TIAM1: variants seen among roughly 807,000 people sequenced by gnomAD.
The protein encoded by TIAM1 is rho guanine nucleotide exchange factor TIAM1.
A neutral mutation model predicts 163.5 loss-of-function variants in TIAM1; 65 were observed. That is an observed-to-expected ratio of 0.40 (90% CI 0.33 to 0.49). The LOEUF is 0.49. Ranked by LOEUF, TIAM1 falls within the 20% of genes least tolerant of loss-of-function variation. TIAM1 has a pLI of 0.77. For synonymous variants in TIAM1, 833 were observed against 810.1 expected, an observed-to-expected ratio of 1.03 and a Z score of -0.48; for missense variants, 1,789 against 2,044.7, an observed-to-expected ratio of 0.87 and a Z score of 2.41.
chr21:31,471,829 A>G (rs1213210687), intron 1 of TIAM1, among the ~76,000 whole-genome samples: 1 of 151,878 alleles, frequency 6.6e-6, no homozygotes, highest in Admixed American at 6.6e-5. Context: ...AGATTGCGCC[A>G]TTGCATTCCA....
intron 1 of TIAM1, among the ~76,000 whole-genome samples, chr21:31,546,595 ATGCCTG>A (rs1179043623): frequency 2.0e-5 from 3 of 151,818 alleles, no homozygotes; most frequent in South Asian, 4.2e-4. Flanking sequence ...AAACCAGAGC[ATGCCTG>A]AGAAAAATGG....
intron 14 of TIAM1, among the ~76,000 whole-genome samples, chr21:31,186,589 C>G (rs1237298138): frequency 1.3e-5 from 2 of 151,920 alleles, no homozygotes; most frequent in Non-Finnish European, 1.5e-5. Flanking sequence ...CGGGGCAACA[C>G]AGCAAGACCC....
chr21:31,124,825 T>C, intron 26 of TIAM1, 131 bp from the exon 27 acceptor site: 1 of 699,426 alleles, frequency 1.4e-6, no homozygotes. Flanking sequence ...TGACTCCAAT[T>C]TCTATGCTGA....
intron 15 of TIAM1, among the ~76,000 whole-genome samples, chr21:31,169,457 C>T (rs552727626): frequency 6.6e-6 from 1 of 152,258 alleles, no homozygotes; most frequent in South Asian, 2.1e-4. Context: ...ACTGGAACAT[C>T]TATCCGAAGA....
intron 2 of TIAM1, among the ~76,000 whole-genome samples, chr21:31,331,717 C>T (rs1239618701): frequency 1.3e-5 from 2 of 152,324 alleles, no homozygotes; most frequent in African/African-American, 2.4e-5. Context: ...TGGGCACTCA[C>T]ACCCACTGCC....
intron 1 of TIAM1, among the ~76,000 whole-genome samples, chr21:31,525,807 G>T (rs973058827): frequency 4.6e-5 from 7 of 152,132 alleles, no homozygotes; most frequent in African/African-American, 1.7e-4. Flanking sequence ...GCTGAGATGG[G>T]TGGATCATTT....
chr21:31,119,061 AGT>A lies in TIAM1; in HGVS notation c.*1305_*1306del, dbSNP rs1379534230. ...ATAGTATTTTAAACCCTTCTTAGGA[AGT>A]GGACATTGTGACATGGGAAAAGAAA... On this transcript the variant is annotated 3_prime_UTR_variant, in exon 28 of 28. Coordinates refer to ENST00000541036, the MANE Select transcript of TIAM1 (RefSeq NM_001353694.2). 6.5e-6 allele frequency: 1 copy of A among 153,030 alleles called. No homozygotes were observed. The highest frequency in any genetic ancestry group is 1.5e-5 in the Non-Finnish European group (1 of 68,504). The allele number at this position is 153,030 out of a possible 1,614,324, so 9.5% of individuals were successfully genotyped here. A position where few individuals can be genotyped will look rare whatever the true frequency, so the allele number is the denominator to read the frequency against.
intron 2 of TIAM1, among the ~76,000 whole-genome samples, chr21:31,447,324 C>G (rs1438702090): frequency 1.3e-5 from 2 of 152,080 alleles, no homozygotes; most frequent in Non-Finnish European, 2.9e-5. Flanking sequence ...GTAGTCCCAG[C>G]TCTCAGGAGG....
At chr21:31,133,195 CTCTT>C (rs1296167525) in intron 23 of TIAM1, among the ~76,000 whole-genome samples, 1 of 152,232 alleles carries the variant, frequency 6.6e-6, no homozygotes, top group Non-Finnish European at 1.5e-5. Context: ...TCAAACTTGT[CTCTT>C]TAACGGCTGG....
At chr21:31,495,483 G>C (rs151039335) in intron 1 of TIAM1, among the ~76,000 whole-genome samples, 18 of 152,270 alleles carry the variant, frequency 1.2e-4, no homozygotes, top group African/African-American at 4.3e-4. Context: ...TGCCATTCAC[G>C]ACAGAGGAGC....
chr21:31,445,340 A>T (rs1204638652), intron 2 of TIAM1, among the ~76,000 whole-genome samples: 1 of 152,172 alleles, frequency 6.6e-6, no homozygotes, highest in Non-Finnish European at 1.5e-5. Context: ...ACTCTGTTTA[A>T]TACGTGTGTC....
At chr21:31,224,961 G>A (rs1415793938) in intron 7 of TIAM1, among the ~76,000 whole-genome samples, 1 of 151,850 alleles carries the variant, frequency 6.6e-6, no homozygotes, top group Non-Finnish European at 1.5e-5. Context: ...ATATACTTAT[G>A]CACATATAAA....
intron 17 of TIAM1, 24 bp downstream of exon 17, chr21:31,154,223 C>A (rs754985521): frequency 5.2e-5 from 84 of 1,608,768 alleles, no homozygotes; most frequent in Non-Finnish European, 6.5e-5. Context: ...AGAGGGAGGG[C>A]AGGGGGAGAA....
chr21:31,457,372 T>C (rs1249896600), intron 2 of TIAM1, among the ~76,000 whole-genome samples: 1 of 152,174 alleles, frequency 6.6e-6, no homozygotes, highest in Non-Finnish European at 1.5e-5. Flanking sequence ...ATCATGATAA[T>C]GACAGCAATG....
chr21:31,120,593 A>G lies in TIAM1; in HGVS notation c.4551T>C (p.Gly1517=), dbSNP rs61734755. The change falls in exon 28 of 28, where the codon GGT becomes GGC. Residue 1517 remains glycine (G), a synonymous_variant. Transcript: ENST00000541036. This position sits in a 1 kb window ranked among gnomAD's most constrained non-coding sequence, Gnocchi z 4.2. ...DDDEFCESVK[G]ASVDRDLQER... ...CCTGCAGGTCTCTGTCCACTGAGGC[A>G]CCCTTCACGGACTCACAGAACTCAT... 893 of 1,614,068 alleles carry G rather than the reference A, an allele frequency of 5.5e-4. 3 individuals carry two copies. In the African/African-American group the frequency reaches 0.011, roughly 19 times the overall value.
At chr21:31,458,297 G>A (rs935443889) in intron 2 of TIAM1, among the ~76,000 whole-genome samples, 1 of 152,050 alleles carries the variant, frequency 6.6e-6, no homozygotes, top group Non-Finnish European at 1.5e-5. Flanking sequence ...GCGGGCGCCT[G>A]TAATCCCAGC....
chr21:31,242,873 A>G (rs1438838994), intron 6 of TIAM1, among the ~76,000 whole-genome samples: 4 of 148,156 alleles, frequency 2.7e-5, no homozygotes, highest in East Asian at 3.9e-4. Flanking sequence ...AAAAAAAAAA[A>G]AAAAAAGAAA....
At chr21:31,412,502 C>T (rs558447713) in intron 2 of TIAM1, among the ~76,000 whole-genome samples, 2 of 152,170 alleles carry the variant, frequency 1.3e-5, no homozygotes, top group East Asian at 1.9e-4. Flanking sequence ...GTGCACGAAG[C>T]CAGGCACAGT....
rs771863431 is a variant in TIAM1 at position 31,213,442 on chromosome 21, T to A, written c.2173A>T (p.Lys725Ter). The A allele has an allele frequency of 6.2e-7, 1 of 1,613,488 alleles. No individual in the cohort carries two copies. The highest frequency in any genetic ancestry group is 8.5e-7 in the Non-Finnish European group (1 of 1,179,930). Residue 725 changes from lysine to a stop codon, truncating the protein, a stop_gained, in exon 10 of 28, where the codon AAA becomes TAA. Coordinates refer to ENST00000541036, the MANE Select transcript of TIAM1 (RefSeq NM_001353694.2). LOFTEE classifies it high-confidence loss of function. Reference sequence around the variant, plus strand: ...TCATCAAATATTCCCTCTAAAGATTTCTTTACAGCTTCGGTTCCCTCTCCA... The same window carrying A: ...TCATCAAATATTCCCTCTAAAGATTACTTTACAGCTTCGGTTCCCTCTCCA... ...VFGEGTEAVK[K>*]SLEGIFDDIV... is the part of the protein sequence containing the mutation.
Sources: allele counts gnomAD v4.1 joint callset (sites outside exome capture counted in the v4.1 genomes callset), GRCh38; gene constraint gnomAD v4.1.1; non-coding constraint Gnocchi (gnomAD v3.1); transcripts MANE v1.5; gene names NCBI Gene and HGNC (gene_info 2026-07-23, HGNC 2026-07-21).